Variants in LIPE observed in about 807,000 individuals in gnomAD.
LIPE encodes the protein hormone-sensitive lipase.
Under a neutral mutation model 88.5 loss-of-function variants are expected in LIPE, and 66 were observed. That is an observed-to-expected ratio of 0.75 (90% CI 0.61 to 0.91). The LOEUF is 0.91. LIPE is among the 40% of genes least tolerant of loss of function. The pLI is 0.00. For missense variants in LIPE, 1,346 were observed against 1,434.7 expected (o/e 0.94, Z 1.00); for synonymous variants, 570 against 617.5 (o/e 0.92, Z 1.14).
chr19:42,421,553 G>T (rs769916948), intron 1 of LIPE, among the ~76,000 whole-genome samples: 3 of 152,274 alleles, frequency 2.0e-5, no homozygotes, highest in Non-Finnish European at 4.4e-5. Context: ...AATGTCTGCT[G>T]AATGAATCTG....
intron 1 of LIPE, among the ~76,000 whole-genome samples, chr19:42,416,927 T>C (rs904044531): frequency 1.3e-5 from 2 of 152,186 alleles, no homozygotes; most frequent in African/African-American, 4.8e-5. Flanking sequence ...GTTATTATTA[T>C]TATATTTTTT....
intron 8 of LIPE, among the ~76,000 whole-genome samples, chr19:42,404,867 C>CT (rs1050827746): frequency 6.6e-6 from 1 of 152,030 alleles, no homozygotes. Context: ...TAAGCGTACT[C>CT]TTTTTTTAAA....
chr19:42,426,101 CTTTTTTTTTTTTTTTT>C (rs1030833973), intron 1 of LIPE, among the ~76,000 whole-genome samples, 150 bp downstream of exon 1: 12 of 104,094 alleles, frequency 1.2e-4, no homozygotes, highest in Admixed American at 2.0e-4. Context: ...TGCGCCCAGC[CTTTTTTTTTTTTTTTT>C]TTTTTTTTAA....
At chr19:42,415,986 T>C (rs1218113735) in intron 1 of LIPE, among the ~76,000 whole-genome samples, 1 of 151,932 alleles carries the variant, frequency 6.6e-6, no homozygotes, top group Non-Finnish European at 1.5e-5. Flanking sequence ...AGAAAAAAGG[T>C]TGGAAGCTAG....
In LIPE at chr19:42,401,850, C is replaced by A. The variant is rs1339281337; in HGVS notation, c.3193G>T (p.Ala1065Ser). The A allele has an allele frequency of 3.3e-6, 5 of 1,516,474 alleles. No homozygotes were observed. The highest frequency in any genetic ancestry group is 2.6e-6 in the Non-Finnish European group (3 of 1,136,222). The allele number at this position is 1,516,474 out of a possible 1,614,324, so 93.9% of individuals were successfully genotyped here. Residue 1065 changes from alanine to serine, a missense_variant, in exon 10 of 10, where the codon GCT becomes TCT. Physicochemically the swap from Ala to Ser is moderately conservative, Grantham distance 99. Transcript: ENST00000244289. Reference sequence around the variant, plus strand: ...CCGCAGCCCCCGTCTACCCCCGCAGCCCCCGTCTCCCCGCTCGGCCCGGCT... The same window carrying A: ...CCGCAGCCCCCGTCTACCCCCGCAGACCCCGTCTCCCCGCTCGGCCCGGCT... ...AGAGPSGETG[A>S]AGVDGGCGGR...
Position 42,426,314 on chromosome 19 carries a change from G to A in LIPE, c.836C>T (p.Pro279Leu). 1 of 1,608,408 alleles carries A rather than the reference G, an allele frequency of 6.2e-7. No individual in the cohort carries two copies. The highest frequency in any genetic ancestry group is 2.2e-5 in the East Asian group (1 of 44,672). The stretch of plus-strand genomic sequence containing the variant: ...ATTCCGAGCACTGGTTTTCTCATGT[G>A]GCGACGTCCCACTGTATCCTGACAT... Reference protein sequence around the residue: ...KVMSGYSGTSPHEKTSARNHR... With the variant: ...KVMSGYSGTSLHEKTSARNHR... Residue 279 changes from proline (P) to leucine (L), a missense_variant, in exon 1 of 10, where the codon CCA (proline) becomes CTA (leucine). Physicochemically the swap from Pro to Leu is moderately conservative, Grantham distance 98 (BLOSUM62 -3). Coordinates refer to ENST00000244289, the MANE Select transcript of LIPE (RefSeq NM_005357.4).
Position 42,426,340 on chromosome 19 carries a change from C to T in LIPE, c.810G>A (p.Val270=). ...GCGACGTCCCACTGTATCCTGACATCACTTTATAACCAGATTTTCCTTTGA... is the reference window on the plus strand; with the variant it reads ...GCGACGTCCCACTGTATCCTGACATTACTTTATAACCAGATTTTCCTTTGA... ...LGFKGKSGYK[V]MSGYSGTSPH... The change falls in exon 1 of 10, where the codon GTG becomes GTA. Residue 270 remains valine, a synonymous_variant. Coordinates refer to ENST00000244289, the MANE Select transcript of LIPE (RefSeq NM_005357.4). 1 of 1,613,386 alleles carries T rather than the reference C, an allele frequency of 6.2e-7. No individual in the cohort carries two copies. Among genetic ancestry groups the T allele is most frequent in the Non-Finnish European group, 8.5e-7 (1 of 1,179,432 alleles).
In LIPE at chr19:42,407,523, C is replaced by T. The variant is rs549502431; in HGVS notation, c.1843-55G>A. On this transcript the variant is annotated intron_variant, in intron 5 of 9. Coordinates refer to ENST00000244289, the MANE Select transcript of LIPE (RefSeq NM_005357.4). The surrounding 1 kb of genome is among the most constrained non-coding windows in gnomAD (Gnocchi z 5.8). ...GGTTGGGGAGAGCTGGCCAGGGCTG[C>T]ACCCCTCCATGGGGATGCCAAGGTG... The T allele has an allele frequency of 5.1e-6, 8 of 1,583,052 alleles. No homozygotes were observed. The South Asian group carries it at 7.0e-5, about 14-fold the overall frequency.
At chr19:42,405,863 G>T in intron 7 of LIPE, 1 of 542,972 alleles carries the variant, frequency 1.8e-6, no homozygotes, top group Non-Finnish European at 3.3e-6. Context: ...GGGAAGCTGA[G>T]GCAGGATGAT....
Position 42,401,684 on chromosome 19 carries a change from T to G in LIPE, c.*128A>C. 1.9e-6 allele frequency: 1 copy of G among 522,748 alleles called. No homozygotes were observed. Among genetic ancestry groups the G allele is most frequent in the Non-Finnish European group, 3.0e-6 (1 of 334,432 alleles). 32.4% of individuals were successfully genotyped at this position (522,748 alleles called of 1,614,324 possible). A position where few individuals can be genotyped will look rare whatever the true frequency, so the allele number is the denominator to read the frequency against. ...CGTCCCCCTCCCCGTGGCGAGGGTC[T>G]CAGCTTTCGGGCCCCCGCCCCGCCC... On this transcript the variant is annotated 3_prime_UTR_variant, in exon 10 of 10. Coordinates refer to ENST00000244289, the MANE Select transcript of LIPE (RefSeq NM_005357.4).
At chr19:42,412,543 G>A (rs2040405000) in intron 1 of LIPE, 1 of 986,244 alleles carries the variant, frequency 1.0e-6, no homozygotes, top group Non-Finnish European at 1.2e-6. Flanking sequence ...AGAGTAGAGG[G>A]CTCAGCTCCC....
intron 1 of LIPE, chr19:42,411,279 C>A (rs2040368559): frequency 5.1e-6 from 5 of 981,008 alleles, no homozygotes; most frequent in African/African-American, 1.7e-5. Flanking sequence ...CTCCTGTGAT[C>A]CAGGAGGCTG....
Position 42,407,941 on chromosome 19 carries a change from G to A in LIPE, c.1656+35C>T, listed in dbSNP as rs750833849. The A allele has an allele frequency of 4.4e-6, 7 of 1,601,316 alleles. No homozygotes were observed. The South Asian group carries it at 7.8e-5, about 18-fold the overall frequency. ...CTACTGTGGCCTCAGATGAGTCTCT[G>A]GGCCTCAGTGTCCCCATCTGCAACA... is the stretch of plus-strand genomic sequence containing the variant. On this transcript the variant is annotated intron_variant, in intron 4 of 9. Coordinates refer to ENST00000244289, the MANE Select transcript of LIPE (RefSeq NM_005357.4). This position sits in a 1 kb window ranked among gnomAD's most constrained non-coding sequence, Gnocchi z 5.8.
Position 42,414,230 on chromosome 19 carries a change from C to T in LIPE, c.884-3388G>A, listed in dbSNP as rs1057287838. On this transcript the variant is annotated intron_variant, in intron 1 of 9. Coordinates refer to ENST00000244289, the MANE Select transcript of LIPE (RefSeq NM_005357.4). This position sits in a 1 kb window ranked among gnomAD's most constrained non-coding sequence, Gnocchi z 4.6. ...CAGAGGTTGCAGTGAGCTGAGATCA[C>T]GCCACTGTACTCCAGCCTGGCGATA... 1.3e-5 allele frequency among the ~76,000 whole-genome samples: 2 copies of T among 151,394 alleles called. No homozygotes were observed. The highest frequency in any genetic ancestry group is 2.1e-4 in the South Asian group (1 of 4,790).
chr19:42,420,365 C>T (rs1315401287), intron 1 of LIPE, among the ~76,000 whole-genome samples: 6 of 152,002 alleles, frequency 3.9e-5, no homozygotes, highest in Non-Finnish European at 7.4e-5. Context: ...GGCCTGTGTC[C>T]GTCGGCACTG....
chr19:42,414,331 A>G lies in LIPE; in HGVS notation c.884-3489T>C, dbSNP rs1472150722. On this transcript the variant is annotated intron_variant, in intron 1 of 9. Coordinates refer to ENST00000244289, the MANE Select transcript of LIPE (RefSeq NM_005357.4). This position sits in a 1 kb window ranked among gnomAD's most constrained non-coding sequence, Gnocchi z 4.6. ...AAGAAAGAAAGGAAAGAAGAAAAGA[A>G]AAGGAAAGAAAGATGGCCCAAGCCC... Among the ~76,000 whole-genome samples the G allele has an allele frequency of 1.3e-5, 2 of 149,696 alleles. No homozygotes were observed. The highest frequency in any genetic ancestry group is 3.0e-5 in the Non-Finnish European group (2 of 66,096).
At chr19:42,424,567 A>T (rs1267232617) in intron 1 of LIPE, 1 of 456,320 alleles carries the variant, frequency 2.2e-6, no homozygotes, top group Admixed American at 2.3e-5. Flanking sequence ...CTCTCAAAGC[A>T]TACCCAGCAG....
rs542793409 is a variant in LIPE, at chr19:42,414,444, T to C, written c.884-3602A>G. Among the ~76,000 whole-genome samples, 3 of 152,368 alleles carry C rather than the reference T, an allele frequency of 2.0e-5. No homozygotes were observed. The highest frequency in any genetic ancestry group is 1.3e-4 in the Admixed American group (2 of 15,298). On this transcript the variant is annotated intron_variant, in intron 1 of 9. Transcript: ENST00000244289. This position sits in a 1 kb window ranked among gnomAD's most constrained non-coding sequence, Gnocchi z 4.6. ...GGCTCAGGGTGGGAGACATAATTTATAAGTGGGGCCATGGCCGGCATGTTC... is the reference window on the plus strand; with the variant it reads ...GGCTCAGGGTGGGAGACATAATTTACAAGTGGGGCCATGGCCGGCATGTTC...
Position 42,401,821 on chromosome 19 carries a change from C to A in LIPE, c.3222G>T (p.Gly1074=), listed in dbSNP as rs762000053. 2.0e-6 allele frequency: 3 copies of A among 1,480,120 alleles called. No individual in the cohort carries two copies. The highest frequency in any genetic ancestry group is 2.4e-5 in the Admixed American group (1 of 41,748). 91.7% of individuals were successfully genotyped at this position (1,480,120 alleles called of 1,614,324 possible). The change falls in exon 10 of 10, where the codon GGG becomes GGT. Residue 1074 remains glycine (G), a synonymous_variant. Coordinates refer to ENST00000244289, the MANE Select transcript of LIPE (RefSeq NM_005357.4). ...GAAGVDGGCG[G]RH ...TGGGAACAACAGGCTTTTAGTGTCG[C>A]CCCCCGCAGCCCCCGTCTACCCCCG...
Sources: gnomAD v4.1 joint callset for allele counts (sites outside exome capture counted in the v4.1 genomes callset) on GRCh38, gnomAD v4.1.1 for gene constraint, Gnocchi (gnomAD v3.1) non-coding constraint, MANE v1.5 for transcripts, NCBI Gene and HGNC (gene_info 2026-07-23, HGNC 2026-07-21) for gene names.